PLEKHA6: variants seen among roughly 807,000 people sequenced by gnomAD.
The protein encoded by PLEKHA6 is pleckstrin homology domain containing A6.
A neutral mutation model predicts 116.7 loss-of-function variants in PLEKHA6; 60 were observed. The observed-to-expected ratio is 0.51, with a 90% CI of 0.42 to 0.64. The LOEUF is 0.64. Among genes scored for constraint, PLEKHA6 ranks in the 30% least tolerant of loss-of-function variants. PLEKHA6 has a pLI of 0.00. For synonymous variants in PLEKHA6, 489 were observed against 556.1 expected (o/e 0.88, Z 1.70); for missense variants, 1,338 against 1,422.7 (o/e 0.94, Z 0.96).
intron 1 of PLEKHA6, among the ~76,000 whole-genome samples, chr1:204,293,492 T>C (rs1475787264): frequency 2.0e-5 from 3 of 152,152 alleles, no homozygotes; most frequent in African/African-American, 4.8e-5. Flanking sequence ...TAAAAACCCA[T>C]GATGAATGAA....
chr1:204,241,339 C>A, intron 17 of PLEKHA6, 36 bp downstream of exon 17: 1 of 1,350,872 alleles, frequency 7.4e-7, no homozygotes, highest in East Asian at 2.3e-5. Context: ...GCTCGCAGCC[C>A]AGCTCAGGCC....
In PLEKHA6 at chr1:204,348,210, C is replaced by A. The variant is rs565945546; in HGVS notation, c.-95+11484G>T. Reference sequence around the variant, plus strand: ...AAGCAGTGGGTGCTGAGTAAATTAACAAGAAACCTAGAGAGACCAGGACAT... The same window carrying A: ...AAGCAGTGGGTGCTGAGTAAATTAAAAAGAAACCTAGAGAGACCAGGACAT... On this transcript the variant is annotated intron_variant, in intron 1 of 22. Coordinates refer to ENST00000272203, the MANE Select transcript of PLEKHA6 (RefSeq NM_014935.5). Among the ~76,000 whole-genome samples the A allele has an allele frequency of 9.8e-5, 15 of 152,296 alleles. No individual in the cohort carries two copies. The East Asian group carries it at 2.9e-3, about 29-fold the overall frequency.
chr1:204,232,255 A>G (rs1661296184), intron 17 of PLEKHA6, among the ~76,000 whole-genome samples: 1 of 152,218 alleles, frequency 6.6e-6, no homozygotes, highest in African/African-American at 2.4e-5. Flanking sequence ...ACTTACAGGA[A>G]AATGATACAG....
At position 204,261,207 on chromosome 1, in the gene PLEKHA6, G is replaced by A; in HGVS notation, c.524+99C>T. 2.1e-6 allele frequency: 3 copies of A among 1,412,492 alleles called. No individual in the cohort carries two copies. The highest frequency in any genetic ancestry group is 3.0e-6 in the Non-Finnish European group (3 of 999,426). The allele number at this position is 1,412,492 out of a possible 1,614,324, so 87.5% of individuals were successfully genotyped here. ...GCTCACACATTCTCCAGGGCTTCAA[G>A]TAGGCACACTGGGATTAGCAATGGC... is the stretch of plus-strand genomic sequence containing the variant. On this transcript the variant is annotated intron_variant, in intron 7 of 22. Transcript: ENST00000272203. This position sits in a 1 kb window ranked among gnomAD's most constrained non-coding sequence, Gnocchi z 4.0.
chr1:204,359,863 G>T lies in PLEKHA6; in HGVS notation c.-264C>A. On this transcript the variant is annotated 5_prime_UTR_variant, in exon 1 of 23. Transcript: ENST00000272203. ...GATCTAATCAGTCATCTCTCCGGCTGGCAGGTCCCTGGCGCAGGGAGAGGA... is the reference window on the plus strand; with the variant it reads ...GATCTAATCAGTCATCTCTCCGGCTTGCAGGTCCCTGGCGCAGGGAGAGGA... 1 of 181,980 alleles carries T rather than the reference G, an allele frequency of 5.5e-6. No individual in the cohort carries two copies. Among genetic ancestry groups the T allele is most frequent in the Non-Finnish European group, 1.1e-5 (1 of 95,024 alleles). 11.3% of individuals were successfully genotyped at this position (181,980 alleles called of 1,614,324 possible).
At chr1:204,354,092 C>A (rs1673354416) in intron 1 of PLEKHA6, among the ~76,000 whole-genome samples, 1 of 152,202 alleles carries the variant, frequency 6.6e-6, no homozygotes, top group Non-Finnish European at 1.5e-5. Flanking sequence ...TTGGCACCTG[C>A]AATTATAGAT....
intron 12 of PLEKHA6, among the ~76,000 whole-genome samples, chr1:204,247,707 C>A (rs984870895): frequency 6.6e-6 from 1 of 152,192 alleles, no homozygotes; most frequent in Non-Finnish European, 1.5e-5. Flanking sequence ...GGGATGATAT[C>A]ACTTCCATAC....
intron 1 of PLEKHA6, among the ~76,000 whole-genome samples, chr1:204,322,042 T>G (rs1672081757): frequency 6.6e-6 from 1 of 152,272 alleles, no homozygotes; most frequent in Admixed American, 6.5e-5. Flanking sequence ...GTTTACCATG[T>G]GCTATGTAGC....
chr1:204,309,081 T>C (rs1671550145), intron 1 of PLEKHA6: 21 of 974,862 alleles, frequency 2.2e-5, no homozygotes, highest in Non-Finnish European at 2.2e-5. Context: ...GTCACTCTAT[T>C]AACATCCATA....
chr1:204,229,018 G>A lies in PLEKHA6; in HGVS notation c.2670C>T (p.Tyr890=), dbSNP rs201680511. 4.0e-5 allele frequency: 65 copies of A among 1,613,990 alleles called. No individual in the cohort carries two copies. The highest frequency in any genetic ancestry group is 1.3e-4 in the African/African-American group (10 of 74,858). ...GGGCAATTTCCTCCCGGGGTGTCTC[G>A]TAGGCATGCCCGCCAGGCTCCTCTG... ...LRAEEPGGHA[Y]ETPREEIARL... Residue 890 remains tyrosine, a synonymous_variant, in exon 19 of 23, where the codon TAC becomes TAT. Transcript: ENST00000272203.
chr1:204,273,651 A>C lies in PLEKHA6; in HGVS notation c.77T>G (p.Val26Gly). The change falls in exon 3 of 23, where the codon GTC (valine) becomes GGC (glycine). Residue 26 changes from valine (V) to glycine (G), a missense_variant. Physicochemically the swap from Val to Gly is moderately radical, Grantham distance 109 (BLOSUM62 -3). Coordinates refer to ENST00000272203, the MANE Select transcript of PLEKHA6 (RefSeq NM_014935.5). Reference sequence around the variant, plus strand: ...CCGGACGCTGGGCCGCTCTGGAGGGACCTCGGACACCATGTTGTGGTTGGG... The same window carrying C: ...CCGGACGCTGGGCCGCTCTGGAGGGCCCTCGGACACCATGTTGTGGTTGGG... ...DIPNHNMVSE[V>G]PPERPSVRAT... 6.2e-7 allele frequency: 1 copy of C among 1,613,882 alleles called. No homozygotes were observed. The highest frequency in any genetic ancestry group is 8.5e-7 in the Non-Finnish European group (1 of 1,179,928).
chr1:204,328,085 T>TATTC (rs1242678597), intron 1 of PLEKHA6, among the ~76,000 whole-genome samples: 1 of 143,674 alleles, frequency 7.0e-6, no homozygotes, highest in East Asian at 1.9e-4. Flanking sequence ...TTTATTTATT[T>TATTC]ATTTATTTAT....
At position 204,259,448 on chromosome 1, in the gene PLEKHA6, G is replaced by C. The variant is rs2102760724; in HGVS notation, c.817C>G (p.Gln273Glu). Reference sequence around the variant, plus strand: ...CCTGGCCGGCTTGGGGAGTGGTACTGCCAGCCATTGGGCTGGGCAGGCTGT... The same window carrying C: ...CCTGGCCGGCTTGGGGAGTGGTACTCCCAGCCATTGGGCTGGGCAGGCTGT... ...GEQPAQPNGW[Q>E]YHSPSRPGST... Residue 273 changes from glutamine to glutamate, a missense_variant, in exon 8 of 23, where the codon CAG becomes GAG. Around this residue, in one of 3 missense-constraint regions of PLEKHA6, gnomAD observed 1,136 missense variants for 1,163.6 expected, o/e 0.98. Coordinates refer to ENST00000272203, the MANE Select transcript of PLEKHA6 (RefSeq NM_014935.5). This position sits in a 1 kb window ranked among gnomAD's most constrained non-coding sequence, Gnocchi z 4.6. 4 of 1,614,182 alleles carry C rather than the reference G, an allele frequency of 2.5e-6. No homozygotes were observed. The highest frequency in any genetic ancestry group is 1.7e-5 in the Admixed American group (1 of 60,032).
chr1:204,244,539 C>A (rs1663363480), intron 15 of PLEKHA6, among the ~76,000 whole-genome samples: 1 of 152,152 alleles, frequency 6.6e-6, no homozygotes. Context: ...CCCACACTGA[C>A]CCTTAACCCT....
chr1:204,355,393 T>C (rs1174782877), intron 1 of PLEKHA6, among the ~76,000 whole-genome samples: 5 of 152,196 alleles, frequency 3.3e-5, no homozygotes, highest in African/African-American at 9.7e-5. Flanking sequence ...TGGTAAATGG[T>C]AGATTCCAGA....
At chr1:204,229,929 T>C (rs1431396110) in intron 18 of PLEKHA6, among the ~76,000 whole-genome samples, 1 of 152,220 alleles carries the variant, frequency 6.6e-6, no homozygotes, top group Non-Finnish European at 1.5e-5. Flanking sequence ...TTTCCCCATC[T>C]GCAAAATAGG....
intron 1 of PLEKHA6, among the ~76,000 whole-genome samples, chr1:204,298,500 G>A (rs1670507600): frequency 6.6e-6 from 1 of 152,168 alleles, no homozygotes; most frequent in East Asian, 1.9e-4. Context: ...GAATGGCAAT[G>A]ACACACAGCC....
At chr1:204,324,047 G>T in intron 1 of PLEKHA6, among the ~76,000 whole-genome samples, 1 of 152,092 alleles carries the variant, frequency 6.6e-6, no homozygotes. Flanking sequence ...GAGACCTGAA[G>T]TCACACTTCT....
chr1:204,326,930 C>G (rs1009449443), intron 1 of PLEKHA6: 1 of 972,798 alleles, frequency 1.0e-6, no homozygotes, highest in African/African-American at 1.8e-5. Context: ...TGCCCAAACC[C>G]TGGGGCCTCC....
Sources: allele counts gnomAD v4.1 joint callset (sites outside exome capture counted in the v4.1 genomes callset), GRCh38; gene constraint gnomAD v4.1.1; regional missense constraint gnomAD v4.1.1; non-coding constraint Gnocchi (gnomAD v3.1); transcripts MANE v1.5; gene names NCBI Gene and HGNC (gene_info 2026-07-23, HGNC 2026-07-21).